ANO4: variants seen among roughly 807,000 people sequenced by gnomAD.
ANO4 encodes the protein anoctamin 4.
ANO4 carries 69 observed loss-of-function variants against 141.9 expected under a neutral mutation model. That is an observed-to-expected ratio of 0.49 (90% CI 0.40 to 0.59). The LOEUF (loss-of-function observed/expected upper bound fraction) is 0.59. ANO4 is among the 20% of genes least tolerant of loss of function. The pLI, the probability that ANO4 is intolerant of heterozygous loss-of-function variation, is 0.00. For missense variants in ANO4, 894 were observed against 1,162.2 expected, an observed-to-expected ratio of 0.77 and a Z score of 3.36; for synonymous variants, 350 against 394.3, an observed-to-expected ratio of 0.89 and a Z score of 1.33.
At chr12:100,859,191 A>T (rs902905817) in intron 1 of ANO4, 1 of 152,006 alleles carries the variant, frequency 6.6e-6, no homozygotes, top group African/African-American at 2.4e-5. Context: ...TCTGCACTCC[A>T]CTGAACTCGG....
intron 2 of ANO4, among the ~76,000 whole-genome samples, chr12:100,906,944 A>G (rs1190875242): frequency 6.6e-6 from 1 of 152,186 alleles, no homozygotes; most frequent in Non-Finnish European, 1.5e-5. Context: ...TCCTTAGAGC[A>G]AGGTGAATGG....
At chr12:100,857,909 T>C (rs2038265486) in intron 1 of ANO4, among the ~76,000 whole-genome samples, 1 of 152,150 alleles carries the variant, frequency 6.6e-6, no homozygotes, top group Non-Finnish European at 1.5e-5. Flanking sequence ...ATATTGATAA[T>C]ATTCAAACCT....
Position 101,025,955 on chromosome 12 carries a change from T to G in ANO4, c.841+5815T>G, listed in dbSNP as rs75940604. Among the ~76,000 whole-genome samples, 273 of 152,320 alleles carry G rather than the reference T, an allele frequency of 1.8e-3. 7 individuals carry two copies. In the East Asian group the frequency reaches 0.045, roughly 25 times the overall value. On this transcript the variant is annotated intron_variant, in intron 9 of 27. Transcript: ENST00000392977. ...CTCATAAAATACATCTATGAAATGCTTATAGTTAAAATTATGCTTAATGAT... is the reference window on the plus strand; with the variant it reads ...CTCATAAAATACATCTATGAAATGCGTATAGTTAAAATTATGCTTAATGAT...
At chr12:100,938,573 A>G (rs1196709335) in intron 3 of ANO4, among the ~76,000 whole-genome samples, 2 of 152,188 alleles carry the variant, frequency 1.3e-5, no homozygotes, top group Admixed American at 6.5e-5. Flanking sequence ...CTCAACCCAT[A>G]TCTTTCCTCT....
intron 5 of ANO4, among the ~76,000 whole-genome samples, chr12:100,959,436 C>T (rs1031837922): frequency 2.6e-5 from 4 of 152,184 alleles, no homozygotes; most frequent in Non-Finnish European, 4.4e-5. Flanking sequence ...ATGACCACTC[C>T]GTTTCTCTTC....
intron 7 of ANO4, among the ~76,000 whole-genome samples, chr12:100,979,327 CG>C (rs1395059963): frequency 2.0e-5 from 3 of 152,186 alleles, no homozygotes; most frequent in African/African-American, 7.2e-5. Flanking sequence ...TTTAAAAACA[CG>C]GATCACTGGG....
intron 14 of ANO4, among the ~76,000 whole-genome samples, chr12:101,055,864 T>A (rs1332181895): frequency 6.6e-6 from 1 of 152,204 alleles, no homozygotes; most frequent in East Asian, 1.9e-4. Flanking sequence ...AAGGGGCAGA[T>A]TTATTTCTTT....
chr12:100,812,978 C>G lies in ANO4; in HGVS notation c.-141+17951C>G, dbSNP rs138756064. On this transcript the variant is annotated intron_variant, in intron 1 of 27. Coordinates refer to ENST00000392977, the MANE Select transcript of ANO4 (RefSeq NM_001286615.2). ...ACTACTTGTCTTTAAGCAATCTTTC[C>G]TGTGTATTGTTTATCTCAAATAAAG... Among the ~76,000 whole-genome samples, 551 of 152,296 alleles carry G rather than the reference C, an allele frequency of 3.6e-3. 9 individuals are homozygous for G. Among genetic ancestry groups the G allele is most frequent in the East Asian group, 0.032 (167 of 5,180 alleles).
At chr12:100,856,500 G>A (rs2038180206) in intron 1 of ANO4, among the ~76,000 whole-genome samples, 1 of 152,054 alleles carries the variant, frequency 6.6e-6, no homozygotes, top group Non-Finnish European at 1.5e-5. Flanking sequence ...GCCAGCTGGG[G>A]GAAAAACAAA....
intron 22 of ANO4, among the ~76,000 whole-genome samples, chr12:101,107,179 C>T (rs1172923096): frequency 6.6e-6 from 1 of 152,140 alleles, no homozygotes; most frequent in Non-Finnish European, 1.5e-5. Flanking sequence ...TAAGAATTAT[C>T]TCTGTCAGTT....
intron 14 of ANO4, among the ~76,000 whole-genome samples, chr12:101,075,509 A>G (rs2048984088): frequency 1.3e-5 from 2 of 150,186 alleles, no homozygotes. Flanking sequence ...AAAGAGTTCC[A>G]TGTGCCAAAA....
intron 1 of ANO4, among the ~76,000 whole-genome samples, chr12:100,854,150 G>A (rs1189693198): frequency 1.3e-5 from 2 of 152,068 alleles, no homozygotes; most frequent in African/African-American, 4.8e-5. Context: ...GCTAAGTATA[G>A]AATTCTAAAG....
chr12:100,765,893 A>G (rs1056144802), intron 3 of ANO4, among the ~76,000 whole-genome samples: 2 of 151,856 alleles, frequency 1.3e-5, no homozygotes, highest in African/African-American at 4.8e-5. Context: ...GAACATTTCA[A>G]GTCTATTTTA....
At position 100,882,988 on chromosome 12, in the gene ANO4, A is replaced by G. The variant is rs1321556549; in HGVS notation, c.-140-18658A>G. Among the ~76,000 whole-genome samples the G allele has an allele frequency of 3.9e-5, 6 of 152,298 alleles. 1 individual carries two copies. Among genetic ancestry groups the G allele is most frequent in the Admixed American group, 2.0e-4 (3 of 15,290 alleles). On this transcript the variant is annotated intron_variant, in intron 1 of 27. Transcript: ENST00000392977. ...ATTGCTGGGATTACAGGTGTGAGCC[A>G]CCGCACCCAGCTGGAGCTCTGTTTA...
intron 9 of ANO4, among the ~76,000 whole-genome samples, chr12:101,034,319 T>C (rs1192023558): frequency 6.6e-6 from 1 of 152,162 alleles, no homozygotes; most frequent in African/African-American, 2.4e-5. Context: ...TAAAAAGGAA[T>C]GAGATTATGT....
chr12:101,004,143 A>G (rs960923545), intron 8 of ANO4, among the ~76,000 whole-genome samples: 16 of 53,386 alleles, frequency 3.0e-4, no homozygotes, highest in Admixed American at 2.9e-3. Context: ...TAAAAAAAGG[A>G]TACTGTGGGG....
intron 26 of ANO4, among the ~76,000 whole-genome samples, chr12:101,124,001 T>C (rs1000998855): frequency 2.0e-5 from 3 of 152,190 alleles, no homozygotes; most frequent in Admixed American, 2.0e-4. Flanking sequence ...AATTGCTGGG[T>C]AAAATGGTAT....
rs542793345 is a variant in ANO4 at position 100,960,606 on chromosome 12, A to T, written c.457-10700A>T. ...ATCCTGGAACTTAAAGTAAAATAAAAAAAAAAAAGACAGATAGTAAAAAAA... is the reference window on the plus strand; with the variant it reads ...ATCCTGGAACTTAAAGTAAAATAAATAAAAAAAAGACAGATAGTAAAAAAA... On this transcript the variant is annotated intron_variant, in intron 5 of 27. Transcript: ENST00000392977. Among the ~76,000 whole-genome samples the T allele has an allele frequency of 6.2e-3, 941 of 152,220 alleles. 13 individuals carry two copies. The highest frequency in any genetic ancestry group is 0.022 in the African/African-American group (901 of 41,528).
chr12:100,824,445 A>T (rs2135747910), intron 1 of ANO4, among the ~76,000 whole-genome samples: 1 of 152,182 alleles, frequency 6.6e-6, no homozygotes, highest in Admixed American at 6.5e-5. Context: ...AACAAAAAAA[A>T]ACTTTAGCCA....
Sources: gnomAD v4.1 joint callset for allele counts (sites outside exome capture counted in the v4.1 genomes callset) on GRCh38, gnomAD v4.1.1 for gene constraint, MANE v1.5 for transcripts, NCBI Gene and HGNC (gene_info 2026-07-23, HGNC 2026-07-21) for gene names.